The following PLEKHA5 variants were observed in gnomAD, a reference collection of about 807,000 sequenced individuals.
The protein encoded by PLEKHA5 is pleckstrin homology domain containing A5, also known as pleckstrin homology domain-containing family A member 5.
A neutral mutation model predicts 181.9 loss-of-function variants in PLEKHA5; 55 were observed. That is an observed-to-expected ratio of 0.30 (90% CI 0.24 to 0.38). The LOEUF is 0.38. Among genes scored for constraint, PLEKHA5 ranks in the 10% least tolerant of loss-of-function variants. The pLI is 1.00. For missense variants in PLEKHA5, 1,432 were observed against 1,549.5 expected (o/e 0.92, Z 1.27); for synonymous variants, 535 against 529.4 (o/e 1.01, Z -0.15).
At chr12:19,263,307 A>T (rs958387608) in intron 7 of PLEKHA5, among the ~76,000 whole-genome samples, 2 of 152,146 alleles carry the variant, frequency 1.3e-5, no homozygotes, top group African/African-American at 4.8e-5. Flanking sequence ...GGGGAAACTC[A>T]TATACAAAGT....
intron 26 of PLEKHA5, among the ~76,000 whole-genome samples, chr12:19,357,278 C>G (rs1167019689): frequency 7.8e-6 from 1 of 128,892 alleles, no homozygotes; most frequent in African/African-American, 2.9e-5. Flanking sequence ...TTTTTTGAGA[C>G]AGACTCTCAC....
chr12:19,293,312 C>G (rs2078939184), intron 15 of PLEKHA5, among the ~76,000 whole-genome samples: 1 of 152,112 alleles, frequency 6.6e-6, no homozygotes, highest in South Asian at 2.1e-4. Context: ...AAGTAACACA[C>G]TTTTGTTAAT....
At chr12:19,262,420 G>A (rs1426069513) in intron 7 of PLEKHA5, among the ~76,000 whole-genome samples, 1 of 152,006 alleles carries the variant, frequency 6.6e-6, no homozygotes. Flanking sequence ...TGTATTTTTA[G>A]TAGAGACGGG....
Position 19,215,374 on chromosome 12 carries a change from A to G in PLEKHA5, c.228-38566A>G, listed in dbSNP as rs183879579. On this transcript the variant is annotated intron_variant, in intron 3 of 31. Coordinates refer to ENST00000429027, the MANE Select transcript of PLEKHA5 (RefSeq NM_001256470.2). ...CTATAATAGAATCCAGACGCTGAGT[A>G]ACTATTTATTGAGTGTTTAGTGCTT... is the stretch of plus-strand genomic sequence containing the variant. 3.8e-3 allele frequency among the ~76,000 whole-genome samples: 577 copies of G among 152,274 alleles called. 2 individuals carry two copies. The highest frequency in any genetic ancestry group is 6.5e-3 in the Admixed American group (99 of 15,286).
intron 15 of PLEKHA5, among the ~76,000 whole-genome samples, chr12:19,313,946 C>T (rs972008652): frequency 6.6e-6 from 1 of 151,972 alleles, no homozygotes; most frequent in African/African-American, 2.4e-5. Context: ...TTGTCAACCA[C>T]GATAGAAATG....
chr12:19,338,248 G>A (rs1026111682), intron 21 of PLEKHA5, among the ~76,000 whole-genome samples: 2 of 152,060 alleles, frequency 1.3e-5, no homozygotes, highest in Non-Finnish European at 2.9e-5. Flanking sequence ...TGTCACCCAG[G>A]CTGGAGTGCA....
chr12:19,296,817 C>CT (rs2079939200), intron 15 of PLEKHA5, among the ~76,000 whole-genome samples: 1 of 152,138 alleles, frequency 6.6e-6, no homozygotes, highest in South Asian at 2.1e-4. Context: ...AGAGGTAGCA[C>CT]TTTTTTGATC....
chr12:19,351,513 G>C (rs1448633379), intron 25 of PLEKHA5, among the ~76,000 whole-genome samples: 2 of 152,118 alleles, frequency 1.3e-5, no homozygotes, highest in Non-Finnish European at 2.9e-5. Flanking sequence ...TCATGGTAAT[G>C]ATTTTGACTA....
intron 3 of PLEKHA5, among the ~76,000 whole-genome samples, chr12:19,187,305 T>C (rs1181789474): frequency 1.3e-5 from 2 of 152,196 alleles, no homozygotes; most frequent in Non-Finnish European, 2.9e-5. Context: ...TGAGGAAATA[T>C]TGTGTCTTAG....
rs150236784 is a variant in PLEKHA5 at position 19,246,811 on chromosome 12, T to C, written c.228-7129T>C. ...AGGAATCTTAATACCAAATTTCTTTTGTCAGTTAGTACTTAATTCCATTGA... is the reference window on the plus strand; with the variant it reads ...AGGAATCTTAATACCAAATTTCTTTCGTCAGTTAGTACTTAATTCCATTGA... On this transcript the variant is annotated intron_variant, in intron 3 of 31. Coordinates refer to ENST00000429027, the MANE Select transcript of PLEKHA5 (RefSeq NM_001256470.2). Among the ~76,000 whole-genome samples, 998 of 152,270 alleles carry C rather than the reference T, an allele frequency of 6.6e-3. 9 individuals are homozygous for C. Among genetic ancestry groups the C allele is most frequent in the Middle Eastern group, 0.024 (7 of 294 alleles).
chr12:19,228,255 C>T (rs1399463595), intron 3 of PLEKHA5, among the ~76,000 whole-genome samples: 1 of 152,170 alleles, frequency 6.6e-6, no homozygotes, highest in African/African-American at 2.4e-5. Context: ...TTGTCTAATA[C>T]TCACAACCTT....
At chr12:19,218,906 AT>A (rs34616084) in intron 3 of PLEKHA5, among the ~76,000 whole-genome samples, 86,129 of 132,752 alleles carry the variant, frequency 0.65, 29,789 homozygotes, top group Non-Finnish European at 0.81. Context: ...TATTATTATT[AT>A]TTTTTTTTTT....
Position 19,130,979 on chromosome 12 carries a change from G to A in PLEKHA5, c.169+849G>A, listed in dbSNP as rs2033623133. ...AAGCGGCTCTCTCGGGTGGCTTTGG[G>A]AGCTTGTTTGAATGCTAAGTGTGAG... On this transcript the variant is annotated intron_variant, in intron 2 of 31. Transcript: ENST00000429027. The surrounding 1 kb of genome is among the most constrained non-coding windows in gnomAD (Gnocchi z 4.5). 1 of 152,456 alleles carries A rather than the reference G, an allele frequency of 6.6e-6. No homozygotes were observed. Among genetic ancestry groups the A allele is most frequent in the African/African-American group, 2.4e-5 (1 of 41,486 alleles). 9.4% of individuals were successfully genotyped at this position (152,456 alleles called of 1,614,324 possible).
intron 3 of PLEKHA5, among the ~76,000 whole-genome samples, chr12:19,187,300 A>T (rs1446546000): frequency 6.6e-6 from 1 of 152,202 alleles, no homozygotes; most frequent in Non-Finnish European, 1.5e-5. Flanking sequence ...AAAACTGAGG[A>T]AATATTGTGT....
intron 30 of PLEKHA5, among the ~76,000 whole-genome samples, chr12:19,368,087 TA>T (rs1239675682): frequency 6.6e-6 from 1 of 152,032 alleles, no homozygotes; most frequent in Non-Finnish European, 1.5e-5. Flanking sequence ...TTAAATAAAA[TA>T]AACTTTATTT....
In PLEKHA5 at chr12:19,236,289, T is replaced by C. The variant is rs970252806; in HGVS notation, c.228-17651T>C. On this transcript the variant is annotated intron_variant, in intron 3 of 31. Transcript: ENST00000429027. ...ACTCTACCTGGGTTTGAATCCTATT[T>C]AATCACTTATTAGCATTGTGACTGT... is the stretch of plus-strand genomic sequence containing the variant. Among the ~76,000 whole-genome samples the C allele has an allele frequency of 2.0e-5, 3 of 152,296 alleles. No individual in the cohort carries two copies. In the South Asian group the frequency reaches 6.2e-4, roughly 32 times the overall value.
intron 3 of PLEKHA5, chr12:19,150,024 A>G (rs1322026851): frequency 6.6e-6 from 1 of 152,232 alleles, no homozygotes; most frequent in African/African-American, 2.4e-5. Flanking sequence ...TTTGTAATCC[A>G]TGTAAGGTAC....
At chr12:19,162,975 A>G (rs965030510) in intron 3 of PLEKHA5, among the ~76,000 whole-genome samples, 6 of 152,046 alleles carry the variant, frequency 3.9e-5, no homozygotes, top group Non-Finnish European at 8.8e-5. Context: ...AAAAAACCTA[A>G]TATTTATTTA....
chr12:19,189,313 C>T (rs775874915), intron 3 of PLEKHA5, among the ~76,000 whole-genome samples: 1 of 152,044 alleles, frequency 6.6e-6, no homozygotes, highest in African/African-American at 2.4e-5. Flanking sequence ...GAAGCTATTG[C>T]GTTTGTCTAA....
Sources: gnomAD v4.1 joint callset for allele counts (sites outside exome capture counted in the v4.1 genomes callset) on GRCh38, gnomAD v4.1.1 for gene constraint, Gnocchi (gnomAD v3.1) non-coding constraint, MANE v1.5 for transcripts, NCBI Gene and HGNC (gene_info 2026-07-23, HGNC 2026-07-21) for gene names.